Variants in CSMD3 observed in about 807,000 individuals in gnomAD.
CSMD3 encodes the protein CUB and Sushi multiple domains 3.
In CSMD3, 177 loss-of-function variants were observed where a neutral mutation model predicts 435.2. That is an observed-to-expected ratio of 0.41 (90% confidence interval 0.36 to 0.46). The LOEUF (loss-of-function observed/expected upper bound fraction) is 0.46. CSMD3 is among the 20% of genes least tolerant of loss of function. The probability of loss-of-function intolerance (pLI) is 0.34; values close to 1 mark genes in which losing one functional copy is unlikely to be tolerated. For synonymous variants in CSMD3, 1,656 were observed against 1,520.5 expected (o/e 1.09, Z -2.07); for missense variants, 4,265 against 4,504.6 (o/e 0.95, Z 1.52).
chr8:113,166,148 T>C (rs1313637942), intron 4 of CSMD3, among the ~76,000 whole-genome samples: 1 of 152,176 alleles, frequency 6.6e-6, no homozygotes, highest in Non-Finnish European at 1.5e-5. Flanking sequence ...TCATGAGGCC[T>C]GTAGCTGTTT....
At chr8:112,634,439 G>A (rs376245539) in intron 22 of CSMD3, among the ~76,000 whole-genome samples, 17 of 152,040 alleles carry the variant, frequency 1.1e-4, no homozygotes, top group East Asian at 3.9e-4. Flanking sequence ...TATGCCTACC[G>A]TGGAATTTAT....
At chr8:113,305,050 A>T (rs1200403681) in intron 2 of CSMD3, among the ~76,000 whole-genome samples, 1 of 150,992 alleles carries the variant, frequency 6.6e-6, no homozygotes, top group African/African-American at 2.4e-5. Flanking sequence ...CTATCGCAAG[A>T]ACAAAAAACC....
chr8:112,758,438 T>C (rs185321218), intron 13 of CSMD3, among the ~76,000 whole-genome samples: 25 of 152,314 alleles, frequency 1.6e-4, no homozygotes, highest in African/African-American at 5.8e-4. Context: ...TATATCTAAT[T>C]TTACTTCATT....
intron 2 of CSMD3, among the ~76,000 whole-genome samples, chr8:113,292,686 T>C (rs2093694379): frequency 6.6e-6 from 1 of 151,900 alleles, no homozygotes; most frequent in Non-Finnish European, 1.5e-5. Context: ...GGCATGCTGT[T>C]AAACATAGTA....
chr8:112,672,737 A>G (rs1487081817), intron 16 of CSMD3, among the ~76,000 whole-genome samples: 1 of 152,106 alleles, frequency 6.6e-6, no homozygotes, highest in Non-Finnish European at 1.5e-5. Context: ...TCATTTATCT[A>G]GTTTTATTTT....
intron 3 of CSMD3, among the ~76,000 whole-genome samples, chr8:113,190,618 A>G (rs957871071): frequency 1.3e-5 from 2 of 151,600 alleles, no homozygotes; most frequent in Admixed American, 1.3e-4. Context: ...CTTAAAACAT[A>G]TGTCTATGAC....
At chr8:112,997,297 A>G (rs2085689719) in intron 6 of CSMD3, among the ~76,000 whole-genome samples, 1 of 151,698 alleles carries the variant, frequency 6.6e-6, no homozygotes, top group African/African-American at 2.4e-5. Flanking sequence ...TATTTTATTA[A>G]CTAAAAACTC....
At chr8:113,117,392 T>A (rs896559486) in intron 4 of CSMD3, among the ~76,000 whole-genome samples, 1 of 152,172 alleles carries the variant, frequency 6.6e-6, no homozygotes, top group Non-Finnish European at 1.5e-5. Context: ...AATTGAGGTT[T>A]GGGAACCTCA....
intron 10 of CSMD3, among the ~76,000 whole-genome samples, chr8:112,909,035 T>C (rs1454722475): frequency 6.6e-6 from 1 of 151,526 alleles, no homozygotes; most frequent in East Asian, 1.9e-4. Flanking sequence ...GTCTTTTTTT[T>C]TCCCTCAGAA....
intron 23 of CSMD3, among the ~76,000 whole-genome samples, chr8:112,573,999 C>G (rs11776962): frequency 0.4 from 60,570 of 151,704 alleles, 13,071 homozygotes; most frequent in East Asian, 0.58. Context: ...TACTTGGTTA[C>G]TTGGCTGTTT....
chr8:112,985,896 A>G (rs912305211), intron 6 of CSMD3, among the ~76,000 whole-genome samples: 7 of 152,126 alleles, frequency 4.6e-5, no homozygotes, highest in Non-Finnish European at 1.0e-4. Context: ...TAATTATTTG[A>G]TTATATATTA....
intron 50 of CSMD3, among the ~76,000 whole-genome samples, chr8:112,308,598 G>T (rs1821664473): frequency 6.6e-6 from 1 of 151,866 alleles, no homozygotes; most frequent in African/African-American, 2.4e-5. Flanking sequence ...ACAACTCTCA[G>T]GAAATCACAA....
intron 5 of CSMD3, among the ~76,000 whole-genome samples, chr8:113,074,592 T>C (rs17661920): frequency 0.12 from 17,678 of 151,896 alleles, 1,084 homozygotes; most frequent in Middle Eastern, 0.18. Flanking sequence ...TTACTTGCTA[T>C]AGTTAGTTAG....
chr8:113,197,641 T>A (rs1442892329), intron 3 of CSMD3, among the ~76,000 whole-genome samples: 1 of 151,326 alleles, frequency 6.6e-6, no homozygotes, highest in Non-Finnish European at 1.5e-5. Flanking sequence ...TATTATGCCA[T>A]GCAGAGATAA....
chr8:112,812,853 G>A (rs1194408626), intron 12 of CSMD3, among the ~76,000 whole-genome samples: 2 of 152,046 alleles, frequency 1.3e-5, no homozygotes, highest in African/African-American at 4.8e-5. Context: ...CTAAATAGGT[G>A]CGCTCAAAAA....
At chr8:112,444,221 G>A (rs1342416981) in intron 32 of CSMD3, among the ~76,000 whole-genome samples, 5 of 152,172 alleles carry the variant, frequency 3.3e-5, no homozygotes, top group Admixed American at 2.0e-4. Context: ...TAATATTAAT[G>A]AGCATGTGGA....
chr8:112,537,751 A>T (rs1826264271), intron 27 of CSMD3, among the ~76,000 whole-genome samples: 1 of 151,930 alleles, frequency 6.6e-6, no homozygotes, highest in African/African-American at 2.4e-5. Context: ...TCCCCCATCA[A>T]TAAAAAACTC....
Position 112,295,948 on chromosome 8 carries a change from A to G in CSMD3, c.8499T>C (p.Tyr2833=). ...IVNGQVIGEN[Y]GYRDTVVYQC... ...GATATACAACTGTGTCTCTATATCCATAATTTTCTCCAATGACTTGACCAT... is the reference window on the plus strand; with the variant it reads ...GATATACAACTGTGTCTCTATATCCGTAATTTTCTCCAATGACTTGACCAT... Residue 2833 remains tyrosine, a synonymous_variant, in exon 54 of 71, where the codon TAT becomes TAC. Coordinates refer to ENST00000297405, the MANE Select transcript of CSMD3 (RefSeq NM_198123.2). The G allele has an allele frequency of 6.2e-7, 1 of 1,613,792 alleles. No individual in the cohort carries two copies. The highest frequency in any genetic ancestry group is 1.3e-5 in the African/African-American group (1 of 75,038).
At position 113,173,962 on chromosome 8, in the gene CSMD3, C is replaced by T. The variant is rs2092309725; in HGVS notation, c.515-46G>A. 5.1e-6 allele frequency: 7 copies of T among 1,380,890 alleles called. No individual in the cohort carries two copies. In the East Asian group the frequency reaches 1.6e-4, roughly 32 times the overall value. The allele number at this position is 1,380,890 out of a possible 1,614,324, so 85.5% of individuals were successfully genotyped here. ...GAGAGTTTACAGTTATTTCAATAAG[C>T]AGTTTATTGTTTTAGATGTATAAAA... On this transcript the variant is annotated intron_variant, in intron 3 of 70. Coordinates refer to ENST00000297405, the MANE Select transcript of CSMD3 (RefSeq NM_198123.2).
Sources: gnomAD v4.1 joint callset for allele counts (sites outside exome capture counted in the v4.1 genomes callset) on GRCh38, gnomAD v4.1.1 for gene constraint, MANE v1.5 for transcripts, NCBI Gene and HGNC (gene_info 2026-07-23, HGNC 2026-07-21) for gene names.